Variants in SLC24A2 observed in about 807,000 individuals in gnomAD.
SLC24A2 encodes sodium/potassium/calcium exchanger 2.
In SLC24A2, 36 loss-of-function variants were observed where a neutral mutation model predicts 62.0. The ratio of observed to expected loss-of-function variants is 0.58; its 90% confidence interval spans 0.44 to 0.77. SLC24A2 has a LOEUF of 0.77. Ranked by LOEUF, SLC24A2 falls within the 30% of genes least tolerant of loss-of-function variation. SLC24A2 has a pLI of 0.00. For missense variants in SLC24A2, 846 were observed against 817.9 expected (o/e 1.03, Z -0.42); for synonymous variants, 358 against 294.0 (o/e 1.22, Z -2.23).
At chr9:20,140,125 C>T in the SLC24A2 span, among the ~76,000 whole-genome samples, 3 of 152,264 alleles carry the variant, frequency 2.0e-5, no homozygotes, top group South Asian at 2.1e-4. Context: ...GACTGAGATG[C>T]GGCGAGAGAG....
At chr9:19,915,457 G>C in the SLC24A2 span, among the ~76,000 whole-genome samples, 9 of 152,062 alleles carry the variant, frequency 5.9e-5, no homozygotes, top group African/African-American at 1.9e-4. Flanking sequence ...CCTAGGTATA[G>C]AATTGTAGGG....
the SLC24A2 span, among the ~76,000 whole-genome samples, chr9:19,794,992 C>G: frequency 6.6e-6 from 1 of 152,162 alleles, no homozygotes; most frequent in Non-Finnish European, 1.5e-5. Context: ...AAAAGAGGAG[C>G]CATGTGCCTT....
At chr9:19,877,366 C>T in the SLC24A2 span, among the ~76,000 whole-genome samples, 1 of 139,934 alleles carries the variant, frequency 7.1e-6, no homozygotes, top group Admixed American at 7.0e-5. Context: ...GTAGGCTAAA[C>T]TATGGAGTTT....
chr9:19,516,050 C>T lies in SLC24A2; in HGVS notation c.*103G>A. On this transcript the variant is annotated 3_prime_UTR_variant, in exon 11 of 11. Transcript: ENST00000341998. The stretch of plus-strand genomic sequence containing the variant: ...TCACCAAGGAGGGACACTTGGCACC[C>T]AGGGCTGTGTGCCAGCTGCCTCTTC... 1 of 1,439,484 alleles carries T rather than the reference C, an allele frequency of 6.9e-7. No individual in the cohort carries two copies. The highest frequency in any genetic ancestry group is 9.8e-7 in the Non-Finnish European group (1 of 1,022,908). 89.2% of individuals were successfully genotyped at this position (1,439,484 alleles called of 1,614,324 possible). A position where few individuals can be genotyped will look rare whatever the true frequency, so the allele number is the denominator to read the frequency against.
chr9:20,157,133 TG>T, the SLC24A2 span, among the ~76,000 whole-genome samples: 1 of 151,608 alleles, frequency 6.6e-6, no homozygotes, highest in African/African-American at 2.4e-5. Flanking sequence ...GAAAAGTAAG[TG>T]GGGAAGACAC....
At chr9:20,234,279 G>T in the SLC24A2 span, among the ~76,000 whole-genome samples, 1 of 152,164 alleles carries the variant, frequency 6.6e-6, no homozygotes, top group Non-Finnish European at 1.5e-5. Flanking sequence ...GGCCTGCCTT[G>T]CTAGATTGGG....
At chr9:19,556,483 C>T (rs919888140) in intron 7 of SLC24A2, among the ~76,000 whole-genome samples, 5 of 152,122 alleles carry the variant, frequency 3.3e-5, no homozygotes, top group Non-Finnish European at 5.9e-5. Flanking sequence ...ACTCAGGAGG[C>T]ATCTGAAAAT....
chr9:19,913,332 G>C, the SLC24A2 span, among the ~76,000 whole-genome samples: 1 of 152,038 alleles, frequency 6.6e-6, no homozygotes, highest in East Asian at 1.9e-4. Flanking sequence ...ATCCCATAAA[G>C]AGTAGTCACA....
chr9:20,156,894 G>C, the SLC24A2 span, among the ~76,000 whole-genome samples: 1 of 151,640 alleles, frequency 6.6e-6, no homozygotes, highest in South Asian at 2.1e-4. Flanking sequence ...CCAAGACAAA[G>C]GTAAAGGAAG....
At chr9:20,069,280 A>T in the SLC24A2 span, among the ~76,000 whole-genome samples, 5 of 152,348 alleles carry the variant, frequency 3.3e-5, no homozygotes, top group South Asian at 6.2e-4. Flanking sequence ...CATTTTTATC[A>T]AATGTAAATT....
chr9:20,078,934 C>A, the SLC24A2 span, among the ~76,000 whole-genome samples: 27 of 152,260 alleles, frequency 1.8e-4, 1 homozygote, highest in African/African-American at 6.0e-4. Flanking sequence ...TCTTAGAACA[C>A]TAGTAACTTT....
the SLC24A2 span, among the ~76,000 whole-genome samples, chr9:20,261,919 T>C: frequency 3.3e-5 from 5 of 151,906 alleles, no homozygotes; most frequent in Non-Finnish European, 5.9e-5. Context: ...TTTGTATTTT[T>C]AGTAGAGACA....
chr9:19,765,925 G>A (rs772134092), intron 2 of SLC24A2, among the ~76,000 whole-genome samples: 9 of 152,066 alleles, frequency 5.9e-5, no homozygotes, highest in East Asian at 3.8e-4. Flanking sequence ...GTCACTTTCC[G>A]GTATACCAAT....
At chr9:19,569,788 T>C (rs190128680) in intron 7 of SLC24A2, among the ~76,000 whole-genome samples, 50 of 152,298 alleles carry the variant, frequency 3.3e-4, no homozygotes, top group Admixed American at 2.9e-3. Context: ...TCTGACTTCA[T>C]TGCTACCATG....
chr9:19,952,787 C>T, the SLC24A2 span, among the ~76,000 whole-genome samples: 36,520 of 151,264 alleles, frequency 0.24, 5,357 homozygotes, highest in South Asian at 0.4. Context: ...TTTTCTACAC[C>T]TCTGTTTTCT....
the SLC24A2 span, among the ~76,000 whole-genome samples, chr9:20,184,228 T>C: frequency 3.3e-5 from 5 of 152,186 alleles, no homozygotes; most frequent in African/African-American, 1.2e-4. Context: ...TATTACCTCA[T>C]ACCTGTTTGA....
the SLC24A2 span, among the ~76,000 whole-genome samples, chr9:20,058,521 A>ACACACACACAC: frequency 6.6e-6 from 1 of 151,712 alleles, no homozygotes; most frequent in African/African-American, 2.4e-5. Flanking sequence ...ACACACACAC[A>ACACACACACAC]AATATTTGGG....
At chr9:19,732,064 G>GT (rs1229868510) in intron 2 of SLC24A2, among the ~76,000 whole-genome samples, 5 of 151,852 alleles carry the variant, frequency 3.3e-5, no homozygotes, top group Non-Finnish European at 5.9e-5. Flanking sequence ...CTATTGCTGT[G>GT]TTTTTTATGG....
intron 2 of SLC24A2, among the ~76,000 whole-genome samples, chr9:19,738,859 CT>C (rs1465434816): frequency 2.0e-5 from 3 of 152,124 alleles, no homozygotes; most frequent in Non-Finnish European, 4.4e-5. Flanking sequence ...TGGCTCATGC[CT>C]GTGATCCCAG....
Sources: allele counts gnomAD v4.1 joint callset (sites outside exome capture counted in the v4.1 genomes callset), GRCh38; gene constraint gnomAD v4.1.1; transcripts MANE v1.5; gene names NCBI Gene and HGNC (gene_info 2026-07-23, HGNC 2026-07-21).